Variants in C12orf42 observed in about 807,000 individuals in gnomAD.
C12orf42 encodes uncharacterized protein C12orf42.
Under a neutral mutation model 21.6 loss-of-function variants are expected in C12orf42, and 25 were observed. The observed-to-expected ratio is 1.16, with a 90% CI of 0.84 to 1.62. The LOEUF is 1.62. C12orf42 is among the 40% of genes most tolerant of loss of function. The pLI, the probability that C12orf42 is intolerant of heterozygous loss-of-function variation, is 0.00. For synonymous variants in C12orf42, 174 were observed against 175.0 expected (o/e 0.99, Z 0.05); for missense variants, 483 against 459.3 (o/e 1.05, Z -0.47).
At chr12:103,367,767 T>TC (rs202205656) in intron 4 of C12orf42, among the ~76,000 whole-genome samples, 57 of 151,598 alleles carry the variant, frequency 3.8e-4, no homozygotes, top group Admixed American at 7.2e-4. Context: ...AAATGTATTA[T>TC]CCCCCCCCAA....
downstream of C12orf42, among the ~76,000 whole-genome samples, chr12:103,236,111 T>C (rs1299340614): frequency 6.6e-6 from 1 of 152,188 alleles, no homozygotes; most frequent in East Asian, 1.9e-4. Context: ...AACAAATAAA[T>C]TTTATTTAAA....
chr12:103,244,640 A>G lies in C12orf42; in HGVS notation c.*1367-6738T>C, dbSNP rs1429826821. On this transcript the variant is annotated intron_variant and NMD_transcript_variant, in intron 10 of 10. Coordinates refer to the C12orf42 transcript ENST00000547347. The stretch of plus-strand genomic sequence containing the variant: ...AGCAACAATGTTGCTATGAACATAC[A>G]TAACTATACTATAAATAACCACATA... Among the ~76,000 whole-genome samples, 7 of 152,208 alleles carry G rather than the reference A, an allele frequency of 4.6e-5. No homozygotes were observed. In the East Asian group the frequency reaches 9.6e-4, roughly 21 times the overall value.
At chr12:103,361,391 T>C (rs1205871119) in intron 4 of C12orf42, among the ~76,000 whole-genome samples, 1 of 152,076 alleles carries the variant, frequency 6.6e-6, no homozygotes, top group Non-Finnish European at 1.5e-5. Context: ...TCTAGGTCCC[T>C]GGGAAGCAAT....
At chr12:103,124,896 G>A in the C12orf42 span, among the ~76,000 whole-genome samples, 1 of 152,126 alleles carries the variant, frequency 6.6e-6, no homozygotes, top group Non-Finnish European at 1.5e-5. Context: ...GTTATATCCA[G>A]TGCTAAGAGT....
At chr12:103,537,476 A>G in the C12orf42 span, among the ~76,000 whole-genome samples, 1 of 152,218 alleles carries the variant, frequency 6.6e-6, no homozygotes, top group Non-Finnish European at 1.5e-5. Context: ...GACACCAAGA[A>G]AGTGGTGACT....
the C12orf42 span, among the ~76,000 whole-genome samples, chr12:103,063,633 A>G: frequency 6.6e-6 from 1 of 152,178 alleles, no homozygotes; most frequent in East Asian, 1.9e-4. Context: ...TCCCTGAGGC[A>G]GTTGCCAGGC....
At chr12:103,142,423 T>C in the C12orf42 span, among the ~76,000 whole-genome samples, 2 of 152,228 alleles carry the variant, frequency 1.3e-5, no homozygotes, top group East Asian at 3.8e-4. Flanking sequence ...TTCAGGGTGC[T>C]AATTTGGAAT....
chr12:103,228,128 AC>A, the C12orf42 span, among the ~76,000 whole-genome samples: 3 of 152,274 alleles, frequency 2.0e-5, no homozygotes, highest in East Asian at 1.9e-4. Flanking sequence ...GTGTGAAGAG[AC>A]CACCAAACAG....
chr12:103,417,080 ATAAAT>A lies in C12orf42; in HGVS notation c.79-15410_79-15406del, dbSNP rs58908250. Among the ~76,000 whole-genome samples the A allele has an allele frequency of 9.9e-3, 1,506 of 152,332 alleles. 128 individuals carry two copies. The East Asian group carries it at 0.2, about 20-fold the overall frequency. On this transcript the variant is annotated intron_variant, in intron 2 of 5. Transcript: ENST00000548883. ...GTCCAGGAAGAGTTTGTTTGAATAC[ATAAAT>A]TATTCTCTTCAATATTTAGGAGACA...
intron 4 of C12orf42, among the ~76,000 whole-genome samples, chr12:103,334,151 C>T (rs951383609): frequency 1.3e-5 from 2 of 152,154 alleles, no homozygotes; most frequent in South Asian, 4.1e-4. Context: ...TGTGCCTGTA[C>T]AATGTTCATA....
intron 3 of C12orf42, among the ~76,000 whole-genome samples, chr12:103,382,099 G>C (rs1317210935): frequency 2.0e-5 from 3 of 152,170 alleles, no homozygotes; most frequent in African/African-American, 7.2e-5. Flanking sequence ...ATTGAGAACT[G>C]TGAGTAGCAG....
rs1239663998 is a variant in C12orf42 at position 103,346,153 on chromosome 12, A to G, written c.259+22734T>C. Among the ~76,000 whole-genome samples, 4 of 152,306 alleles carry G rather than the reference A, an allele frequency of 2.6e-5. No homozygotes were observed. In the East Asian group the frequency reaches 7.7e-4, roughly 29 times the overall value. On this transcript the variant is annotated intron_variant, in intron 4 of 5. Coordinates refer to ENST00000548883, the MANE Select transcript of C12orf42 (RefSeq NM_198521.5). ...TCTTTTTCTTTCTACAACATAGAGG[A>G]AGCAGATTATAATCCTCCACAGTTT...
At chr12:103,334,313 A>G (rs762510235) in intron 4 of C12orf42, among the ~76,000 whole-genome samples, 5 of 152,156 alleles carry the variant, frequency 3.3e-5, no homozygotes, top group Non-Finnish European at 5.9e-5. Flanking sequence ...GAAGAGAACA[A>G]ATAAGGAGTA....
chr12:103,234,844 C>T (rs952419171), downstream of C12orf42, among the ~76,000 whole-genome samples: 2 of 152,142 alleles, frequency 1.3e-5, no homozygotes, highest in Non-Finnish European at 2.9e-5. Flanking sequence ...TTCTATTTTA[C>T]ACTGCATGAT....
rs556929126 is a variant in C12orf42, at chr12:103,427,172, T to A, written c.79-25497A>T. Among the ~76,000 whole-genome samples the A allele has an allele frequency of 9.4e-4, 141 of 150,060 alleles. 1 individual carries two copies. Among genetic ancestry groups the A allele is most frequent in the African/African-American group, 3.2e-3 (132 of 40,712 alleles). ...AAAAGACACAGACTGGCAAACTGGA[T>A]AAAGAGTCAAGACCCATCAGTGTGC... On this transcript the variant is annotated intron_variant, in intron 2 of 5. Transcript: ENST00000548883.
At chr12:103,091,527 G>A in the C12orf42 span, among the ~76,000 whole-genome samples, 1 of 152,040 alleles carries the variant, frequency 6.6e-6, no homozygotes, top group East Asian at 1.9e-4. Flanking sequence ...AGAAACAGGA[G>A]AAAGAAACAG....
the C12orf42 span, among the ~76,000 whole-genome samples, chr12:103,146,516 G>GAAAGAAAGAAAGA: frequency 8.8e-6 from 1 of 113,274 alleles, no homozygotes; most frequent in African/African-American, 3.3e-5. Context: ...AAAAGAAAGA[G>GAAAGAAAGAAAGA]AAAGAAAGAA....
the C12orf42 span, among the ~76,000 whole-genome samples, chr12:103,186,532 A>G: frequency 1.3e-5 from 2 of 152,164 alleles, no homozygotes; most frequent in Non-Finnish European, 2.9e-5. Flanking sequence ...AAATGGCATA[A>G]ATCATTTGCT....
At chr12:103,297,474 CA>C (rs1255372271), downstream of C12orf42, among the ~76,000 whole-genome samples, 7 of 151,638 alleles carry the variant, frequency 4.6e-5, no homozygotes, top group South Asian at 2.1e-4. Context: ...GCCTACCAAC[CA>C]AAAAAAAAGT....
Sources: gnomAD v4.1 joint callset for allele counts (sites outside exome capture counted in the v4.1 genomes callset) on GRCh38, gnomAD v4.1.1 for gene constraint, MANE v1.5 for transcripts, NCBI Gene and HGNC (gene_info 2026-07-23, HGNC 2026-07-21) for gene names.